BCL7C: variants seen among roughly 807,000 people sequenced by gnomAD.
BCL7C encodes the protein BAF chromatin remodeling complex subunit BCL7C.
Under a neutral mutation model 26.2 loss-of-function variants are expected in BCL7C, and 8 were observed. The observed-to-expected ratio is 0.30, with a 90% CI of 0.18 to 0.55. BCL7C has a LOEUF of 0.55. Ranked by LOEUF, BCL7C falls within the 20% of genes least tolerant of loss-of-function variation. The probability of loss-of-function intolerance (pLI) is 0.93; values close to 1 mark genes in which losing one functional copy is unlikely to be tolerated. For synonymous variants in BCL7C, 90 were observed against 116.5 expected, an observed-to-expected ratio of 0.77 and a Z score of 1.47; for missense variants, 262 against 298.5, an observed-to-expected ratio of 0.88 and a Z score of 0.90.
At chr16:30,887,663 C>T, downstream of BCL7C, 2 of 819,818 alleles carry the variant, frequency 2.4e-6, no homozygotes, top group South Asian at 2.3e-5. Flanking sequence ...CCCCACCCCA[C>T]TCTGCCTTGT....
intron 5 of BCL7C, among the ~76,000 whole-genome samples, chr16:30,846,155 A>G (rs888775367): frequency 5.3e-5 from 8 of 149,872 alleles, no homozygotes; most frequent in Non-Finnish European, 1.2e-4. Flanking sequence ...CCTCCTCAGT[A>G]GCTGGGACCA....
intron 5 of BCL7C, among the ~76,000 whole-genome samples, chr16:30,881,925 T>C (rs950946752): frequency 1.3e-5 from 2 of 152,062 alleles, no homozygotes; most frequent in Admixed American, 6.6e-5. Flanking sequence ...TATAACTGCC[T>C]GAAGGCAGGT....
At chr16:30,889,062 CAG>C (rs2055182984) in intron 4 of BCL7C, 117 bp from the exon 5 acceptor site, 5 of 982,936 alleles carry the variant, frequency 5.1e-6, no homozygotes, top group Non-Finnish European at 7.9e-6. Context: ...GCCATGGGAG[CAG>C]AGAGGAGAGA....
chr16:30,840,948 T>A (rs1216473781), intron 5 of BCL7C, among the ~76,000 whole-genome samples: 1 of 152,176 alleles, frequency 6.6e-6, no homozygotes, highest in Non-Finnish European at 1.5e-5. Context: ...ATGGGGACTA[T>A]AATTCACGAT....
chr16:30,879,700 A>AAAAAAACAAAAAAAAC, intron 5 of BCL7C, among the ~76,000 whole-genome samples: 1 of 135,004 alleles, frequency 7.4e-6, no homozygotes, highest in Non-Finnish European at 1.7e-5. Flanking sequence ...AAAAAAAAAA[A>AAAAAAACAAAAAAAAC]AAAAAAAAAC....
rs754761901 is a variant in BCL7C at position 30,892,666 on chromosome 16, G to A, written c.362C>T (p.Pro121Leu). The change falls in exon 4 of 6, where the codon CCC becomes CTC. Residue 121 changes from proline to leucine, a missense_variant. Pro to Leu is a moderately conservative substitution (Grantham distance 98). Transcript: ENST00000215115. ...TCCGGCAGGTGACACAGGGCGGCTG[G>A]GCTGGGGGGTGCCCCCAGGACTGGG... ...TEPSPGGTPQ[P>L]SRPVSPAGPP... 14 of 1,613,912 alleles carry A rather than the reference G, an allele frequency of 8.7e-6. No homozygotes were observed. The highest frequency in any genetic ancestry group is 1.1e-5 in the Non-Finnish European group (13 of 1,179,900).
intron 4 of BCL7C, among the ~76,000 whole-genome samples, chr16:30,891,604 C>G (rs946445469): frequency 2.0e-5 from 3 of 152,132 alleles, no homozygotes; most frequent in Admixed American, 6.6e-5. Flanking sequence ...ATTATTTATT[C>G]ACTCAACAGA....
intron 5 of BCL7C, among the ~76,000 whole-genome samples, chr16:30,839,304 A>G (rs2054588039): frequency 6.6e-6 from 1 of 152,184 alleles, no homozygotes. Flanking sequence ...CCTGTGGCAG[A>G]GAGGAACTGT....
At chr16:30,886,831 G>A (rs942961294), downstream of BCL7C, among the ~76,000 whole-genome samples, 6 of 152,164 alleles carry the variant, frequency 3.9e-5, no homozygotes, top group Admixed American at 2.6e-4. Flanking sequence ...GAATGGGTTG[G>A]TCATCCCAGG....
At position 30,834,331 on chromosome 16, in the gene BCL7C, G is replaced by T. The variant is rs1302234947; in HGVS notation, c.*617C>A. 1.3e-5 allele frequency: 2 copies of T among 152,282 alleles called. No individual in the cohort carries two copies. Among genetic ancestry groups the T allele is most frequent in the Non-Finnish European group, 2.9e-5 (2 of 68,054 alleles). The allele number at this position is 152,282 out of a possible 1,614,324, so 9.4% of individuals were successfully genotyped here. A position where few individuals can be genotyped will look rare whatever the true frequency, so the allele number is the denominator to read the frequency against. On this transcript the variant is annotated 3_prime_UTR_variant, in exon 6 of 6. Transcript: ENST00000380317. This position sits in a 1 kb window ranked among gnomAD's most constrained non-coding sequence, Gnocchi z 4.3. ...TGACACCCTGGTGGAACCACTTGCC[G>T]TATGTCCTCGGGCGCTGGAGGTCTC...
chr16:30,871,643 C>T (rs1325578055), intron 5 of BCL7C, among the ~76,000 whole-genome samples: 1 of 152,104 alleles, frequency 6.6e-6, no homozygotes, highest in Non-Finnish European at 1.5e-5. Flanking sequence ...CACCACCACA[C>T]CTGGCTTATT....
intron 5 of BCL7C, among the ~76,000 whole-genome samples, chr16:30,863,896 T>C (rs4889627): frequency 0.48 from 73,457 of 151,968 alleles, 22,050 homozygotes; most frequent in East Asian, 0.91. Flanking sequence ...TTGGAGTGGA[T>C]AGATGATCTT....
rs556572604 is a variant in BCL7C, at chr16:30,866,447, C to T, written c.528+22413G>A. Among the ~76,000 whole-genome samples the T allele has an allele frequency of 4.6e-5, 7 of 151,876 alleles. No homozygotes were observed. The South Asian group carries it at 1.3e-3, about 27-fold the overall frequency. On this transcript the variant is annotated intron_variant, in intron 5 of 5. Transcript: ENST00000380317. ...CAAAAATTAGCCAGGCGTGGTGGCA[C>T]GCACCTGTAGTCCCAGCTACTCAGG... is the stretch of plus-strand genomic sequence containing the variant.
At chr16:30,850,324 G>T (rs2054665853) in intron 5 of BCL7C, among the ~76,000 whole-genome samples, 1 of 151,656 alleles carries the variant, frequency 6.6e-6, no homozygotes. Flanking sequence ...AGTTACTTTT[G>T]CATGGCATAT....
intron 5 of BCL7C, among the ~76,000 whole-genome samples, chr16:30,854,360 A>C (rs1007245799): frequency 6.6e-6 from 1 of 152,114 alleles, no homozygotes; most frequent in Non-Finnish European, 1.5e-5. Flanking sequence ...GTCATCCATG[A>C]CTTCTTATTG....
chr16:30,874,482 T>C (rs1205924040), intron 5 of BCL7C, among the ~76,000 whole-genome samples: 2 of 151,830 alleles, frequency 1.3e-5, no homozygotes, highest in African/African-American at 4.8e-5. Context: ...CCGGGCGTGG[T>C]GGCGCGTGTT....
At chr16:30,851,635 T>A in intron 5 of BCL7C, 1 of 561,612 alleles carries the variant, frequency 1.8e-6, no homozygotes, top group Non-Finnish European at 3.2e-6. Flanking sequence ...GGCCTTGCAG[T>A]TTTTGGTGCA....
At chr16:30,890,473 TCA>T (rs2055208717) in intron 4 of BCL7C, among the ~76,000 whole-genome samples, 1 of 151,818 alleles carries the variant, frequency 6.6e-6, no homozygotes, top group South Asian at 2.1e-4. Context: ...TCTCTGGGTC[TCA>T]GTTTCCTCAT....
intron 5 of BCL7C, among the ~76,000 whole-genome samples, chr16:30,882,430 C>G (rs1349634504): frequency 6.6e-6 from 1 of 152,152 alleles, no homozygotes; most frequent in African/African-American, 2.4e-5. Context: ...CACCACTTCA[C>G]GACATAGCAG....
Sources: gnomAD v4.1 joint callset for allele counts (sites outside exome capture counted in the v4.1 genomes callset) on GRCh38, gnomAD v4.1.1 for gene constraint, Gnocchi (gnomAD v3.1) non-coding constraint, MANE v1.5 for transcripts, NCBI Gene and HGNC (gene_info 2026-07-23, HGNC 2026-07-21) for gene names.